VPS4A: variants seen among roughly 807,000 people sequenced by gnomAD.
VPS4A encodes the protein vacuolar protein sorting 4 homolog A.
VPS4A carries 20 observed loss-of-function variants against 52.3 expected under a neutral mutation model. That is an observed-to-expected ratio of 0.38 (90% CI 0.27 to 0.56). VPS4A has a LOEUF of 0.56. Among genes scored for constraint, VPS4A ranks in the 20% least tolerant of loss-of-function variants. The probability of loss-of-function intolerance (pLI) is 0.72; values close to 1 mark genes in which losing one functional copy is unlikely to be tolerated. For synonymous variants in VPS4A, 293 were observed against 227.7 expected, an observed-to-expected ratio of 1.29 and a Z score of -2.58; for missense variants, 419 against 575.9, an observed-to-expected ratio of 0.73 and a Z score of 2.79.
At chr16:69,315,816 C>T (rs546212275) in intron 1 of VPS4A, among the ~76,000 whole-genome samples, 192 bp from the exon 2 acceptor site, 52 of 152,094 alleles carry the variant, frequency 3.4e-4, no homozygotes, top group Non-Finnish European at 5.3e-4. Context: ...TGAAGATGGC[C>T]GGCTGGTTTT....
chr16:69,316,324 A>G lies in VPS4A; in HGVS notation c.233A>G (p.Glu78Gly). 6.2e-7 allele frequency: 1 copy of G among 1,613,864 alleles called. No homozygotes were observed. The highest frequency in any genetic ancestry group is 8.5e-7 in the Non-Finnish European group (1 of 1,179,878). Reference protein sequence around the residue: ...EKLKDYLRSKEKHGKKPVKEN... With the variant: ...EKLKDYLRSKGKHGKKPVKEN... ...CTGAAGGATTATTTACGAAGCAAAGAGAAACACGGCAAGAAGCCAGTCAAA... is the reference window on the plus strand; with the variant it reads ...CTGAAGGATTATTTACGAAGCAAAGGGAAACACGGCAAGAAGCCAGTCAAA... Residue 78 changes from glutamate (E) to glycine (G), a missense_variant, in exon 3 of 11, where the codon GAG (glutamate) becomes GGG (glycine). Physicochemically the swap from Glu to Gly is moderately conservative, Grantham distance 98 (BLOSUM62 -2). This residue lies in a region of VPS4A where 131 missense variants were observed against 165.4 expected (regional missense o/e 0.79). Coordinates refer to ENST00000254950, the MANE Select transcript of VPS4A (RefSeq NM_013245.3).
Position 69,322,652 on chromosome 16 carries a change from T to G in VPS4A, c.1164T>G (p.Thr388=), listed in dbSNP as rs1278250045. ...SPGDPGAMEM[T]WMDVPGDKLL... ...GGGACCCAGGAGCCATGGAGATGACTTGGATGGATGTCCCTGGGGACAAAC... is the reference window on the plus strand; with the variant it reads ...GGGACCCAGGAGCCATGGAGATGACGTGGATGGATGTCCCTGGGGACAAAC... The change falls in exon 10 of 11, where the codon ACT becomes ACG. Residue 388 remains threonine (T), a synonymous_variant. Coordinates refer to ENST00000254950, the MANE Select transcript of VPS4A (RefSeq NM_013245.3). The G allele has an allele frequency of 1.9e-6, 3 of 1,613,894 alleles. No homozygotes were observed. The highest frequency in any genetic ancestry group is 1.7e-5 in the Admixed American group (1 of 60,016).
chr16:69,324,105 A>C (rs1170271924), intron 10 of VPS4A, 103 bp from the exon 11 acceptor site: 7 of 1,224,464 alleles, frequency 5.7e-6, no homozygotes, highest in Non-Finnish European at 4.6e-6. Context: ...GTGGCCTTGA[A>C]GGCAAACCTC....
rs2143265614 is a variant in VPS4A, at chr16:69,321,325, GGT to G, written c.1071+56_1071+57del. The G allele has an allele frequency of 1.4e-6, 2 of 1,406,728 alleles. No individual in the cohort carries two copies. The highest frequency in any genetic ancestry group is 1.4e-5 in the South Asian group (1 of 73,972). 87.1% of individuals were successfully genotyped at this position (1,406,728 alleles called of 1,614,324 possible). ...ATCTCATAGTAAGAGCGGGATGTTC[GGT>G]TTTTTTTTTCCCAGCTCCTGGTCCT... is the stretch of plus-strand genomic sequence containing the variant. On this transcript the variant is annotated intron_variant, in intron 9 of 10. Transcript: ENST00000254950. The surrounding 1 kb of genome is among the most constrained non-coding windows in gnomAD (Gnocchi z 4.5).
rs763287286 is a variant in VPS4A at position 69,318,873 on chromosome 16, C to T, written c.394C>T (p.Leu132=). ...CATACGGTGGAACGACGTGGCCGGG[C>T]TGGAGGGGGCCAAGGAGGCCCTCAA... ...PNIRWNDVAG[L]EGAKEALKEA... Residue 132 remains leucine (L), a synonymous_variant, in exon 5 of 11, where the codon CTG becomes TTG. Transcript: ENST00000254950. 1 of 1,613,672 alleles carries T rather than the reference C, an allele frequency of 6.2e-7. No homozygotes were observed.
intron 1 of VPS4A, among the ~76,000 whole-genome samples, chr16:69,311,742 G>C (rs926367081): frequency 2.0e-5 from 3 of 152,118 alleles, no homozygotes; most frequent in Non-Finnish European, 4.4e-5. Context: ...TTCCGGCCCT[G>C]CCCGGCTGGC....
chr16:69,319,317 T>C, intron 5 of VPS4A, 70 bp from the exon 6 acceptor site: 1 of 1,586,628 alleles, frequency 6.3e-7, no homozygotes, highest in Non-Finnish European at 8.6e-7. Context: ...TGTATGGGAC[T>C]CGAGACCCTC....
chr16:69,320,128 C>G lies in VPS4A; in HGVS notation c.621-13C>G. On this transcript the variant is annotated splice_polypyrimidine_tract_variant and intron_variant, in intron 6 of 10. Coordinates refer to ENST00000254950, the MANE Select transcript of VPS4A (RefSeq NM_013245.3). This position sits in a 1 kb window ranked among gnomAD's most constrained non-coding sequence, Gnocchi z 4.2. ...TGAACGTCTTGTCCTCACCCCCTTT[C>G]TCACCTTCACAGGCTGGTCAAGAAC... 6.2e-7 allele frequency: 1 copy of G among 1,610,334 alleles called. No individual in the cohort carries two copies. The highest frequency in any genetic ancestry group is 1.1e-5 in the South Asian group (1 of 90,936).
chr16:69,312,687 A>G (rs1007966912), intron 1 of VPS4A, among the ~76,000 whole-genome samples: 2 of 152,122 alleles, frequency 1.3e-5, no homozygotes, highest in Non-Finnish European at 2.9e-5. Context: ...ATCTTGGCTC[A>G]CTGCAGCCTC....
intron 1 of VPS4A, among the ~76,000 whole-genome samples, chr16:69,312,445 A>G (rs1263038789): frequency 6.6e-6 from 1 of 152,092 alleles, no homozygotes. Context: ...AGGAGCAGAC[A>G]TGGAATGAGT....
chr16:69,324,034 C>T (rs1965551300), intron 10 of VPS4A, among the ~76,000 whole-genome samples, 174 bp from the exon 11 acceptor site: 4 of 151,782 alleles, frequency 2.6e-5, no homozygotes. Context: ...GGAGGCCCAT[C>T]TGAGCTGCCT....
Position 69,321,615 on chromosome 16 carries a change from G to T in VPS4A, c.1071+345G>T. On this transcript the variant is annotated intron_variant, in intron 9 of 10. Transcript: ENST00000254950. This position sits in a 1 kb window ranked among gnomAD's most constrained non-coding sequence, Gnocchi z 4.5. ...GGATATAAAATGACCAGGAAGACCT[G>T]TCTATTCATTCAGCAGATCTCTGCT... The T allele has an allele frequency of 3.2e-6, 1 of 315,682 alleles. No homozygotes were observed. Among genetic ancestry groups the T allele is most frequent in the African/African-American group, 2.1e-5 (1 of 47,166 alleles). The allele number at this position is 315,682 out of a possible 1,614,324, so 19.6% of individuals were successfully genotyped here. A position where few individuals can be genotyped will look rare whatever the true frequency, so the allele number is the denominator to read the frequency against.
At position 69,320,041 on chromosome 16, in the gene VPS4A, T is replaced by C. The variant is rs1037981362; in HGVS notation, c.621-100T>C. The C allele has an allele frequency of 2.7e-5, 40 of 1,454,854 alleles. No homozygotes were observed. The highest frequency in any genetic ancestry group is 3.4e-5 in the Non-Finnish European group (37 of 1,083,604). 90.1% of individuals were successfully genotyped at this position (1,454,854 alleles called of 1,614,324 possible). On this transcript the variant is annotated intron_variant, in intron 6 of 10. Coordinates refer to ENST00000254950, the MANE Select transcript of VPS4A (RefSeq NM_013245.3). The surrounding 1 kb of genome is among the most constrained non-coding windows in gnomAD (Gnocchi z 4.2). The stretch of plus-strand genomic sequence containing the variant: ...CCGCAATTCCGGCATGACCGTGGCC[T>C]GCGCCTCCCTGTGGGAAGGGTGAGA...
At chr16:69,319,304 G>C (rs1206261190) in intron 5 of VPS4A, 83 bp from the exon 6 acceptor site, 17 of 1,556,752 alleles carry the variant, frequency 1.1e-5, no homozygotes, top group South Asian at 6.0e-5. Context: ...CTGTTTTACT[G>C]TATGTATGGG....
chr16:69,324,506 A>G lies in VPS4A; in HGVS notation c.*197A>G, dbSNP rs1965558754. ...GAGACACTCCACTGCCCTGGGGCAC[A>G]CAGTGGACACTGCTCTTCCTACTTC... is the stretch of plus-strand genomic sequence containing the variant. On this transcript the variant is annotated 3_prime_UTR_variant, in exon 11 of 11. Coordinates refer to ENST00000254950, the MANE Select transcript of VPS4A (RefSeq NM_013245.3). The G allele has an allele frequency of 1.3e-5, 8 of 596,356 alleles. No individual in the cohort carries two copies. In the South Asian group the frequency reaches 1.4e-4, roughly 10 times the overall value. 36.9% of individuals were successfully genotyped at this position (596,356 alleles called of 1,614,324 possible). A position where few individuals can be genotyped will look rare whatever the true frequency, so the allele number is the denominator to read the frequency against.
In VPS4A at chr16:69,320,944, A is replaced by G; in HGVS notation, c.852-107A>G. The G allele has an allele frequency of 3.1e-6, 4 of 1,273,436 alleles. No individual in the cohort carries two copies. Among genetic ancestry groups the G allele is most frequent in the African/African-American group, 3.0e-5 (2 of 67,636 alleles). 78.9% of individuals were successfully genotyped at this position (1,273,436 alleles called of 1,614,324 possible). A position where few individuals can be genotyped will look rare whatever the true frequency, so the allele number is the denominator to read the frequency against. ...TTGTTGAGGATGTGCCGCCAGCATCACTGGCCCATGAAATGCGTCCGTTTC... is the reference window on the plus strand; with the variant it reads ...TTGTTGAGGATGTGCCGCCAGCATCGCTGGCCCATGAAATGCGTCCGTTTC... On this transcript the variant is annotated intron_variant, in intron 8 of 10. Transcript: ENST00000254950. This position sits in a 1 kb window ranked among gnomAD's most constrained non-coding sequence, Gnocchi z 4.2.
rs1204072656 is a variant in VPS4A, at chr16:69,325,835, G to C, written c.*1526G>C. On this transcript the variant is annotated 3_prime_UTR_variant, in exon 11 of 11. Transcript: ENST00000254950. ...GGCCTGCGTCCTCATGGGGCAGCCT[G>C]TCAGCGGCCACTAAGTAGAGGCTGC... 2.0e-5 allele frequency: 3 copies of C among 152,076 alleles called. No individual in the cohort carries two copies. The highest frequency in any genetic ancestry group is 4.8e-5 in the African/African-American group (2 of 41,374). 9.4% of individuals were successfully genotyped at this position (152,076 alleles called of 1,614,324 possible). A position where few individuals can be genotyped will look rare whatever the true frequency, so the allele number is the denominator to read the frequency against.
In VPS4A at chr16:69,322,584, C is replaced by T. The variant is rs769005950; in HGVS notation, c.1096C>T (p.Pro366Ser). Residue 366 changes from proline to serine, a missense_variant, in exon 10 of 11, where the codon CCC (proline) becomes TCC (serine). Coordinates refer to ENST00000254950, the MANE Select transcript of VPS4A (RefSeq NM_013245.3). ...GGTCTGTGGCCCCTCTCGCACCAAC[C>T]CCAGCATGATGATTGATGACCTCCT... The part of the protein sequence containing the change: ...KKVCGPSRTN[P>S]SMMIDDLLTP... 3 of 1,613,538 alleles carry T rather than the reference C, an allele frequency of 1.9e-6. No individual in the cohort carries two copies. Among genetic ancestry groups the T allele is most frequent in the East Asian group, 2.2e-5 (1 of 44,882 alleles).
At chr16:69,317,307 TCCTTCGG>T (rs1965449505) in intron 3 of VPS4A, among the ~76,000 whole-genome samples, 1 of 152,102 alleles carries the variant, frequency 6.6e-6, no homozygotes, top group African/African-American at 2.4e-5. Flanking sequence ...TTCTCCTCTG[TCCTTCGG>T]CAGTGGCTGC....
Sources: gnomAD v4.1 joint callset for allele counts (sites outside exome capture counted in the v4.1 genomes callset) on GRCh38, gnomAD v4.1.1 for gene constraint, gnomAD v4.1.1 regional missense constraint, Gnocchi (gnomAD v3.1) non-coding constraint, MANE v1.5 for transcripts, NCBI Gene and HGNC (gene_info 2026-07-23, HGNC 2026-07-21) for gene names.